The following TBC1D2B variants were observed in gnomAD, a reference collection of about 807,000 sequenced individuals.
TBC1D2B encodes the protein TBC1 domain family, member 2B.
In TBC1D2B, 64 loss-of-function variants were observed where a neutral mutation model predicts 100.8. The ratio of observed to expected loss-of-function variants is 0.64; its 90% CI spans 0.52 to 0.78. The LOEUF is 0.78. TBC1D2B is among the 30% of genes least tolerant of loss of function. TBC1D2B has a pLI of 0.00. For missense variants in TBC1D2B, 1,052 were observed against 1,218.4 expected (o/e 0.86, Z 2.03); for synonymous variants, 480 against 479.7 (o/e 1.00, Z -0.01).
chr15:78,058,344 T>C (rs895220955), intron 1 of TBC1D2B, among the ~76,000 whole-genome samples: 1 of 152,202 alleles, frequency 6.6e-6, no homozygotes, highest in African/African-American at 2.4e-5. Flanking sequence ...GCCAACACCA[T>C]TGCCCTTCTA....
chr15:78,003,988 A>G (rs1013006072), intron 10 of TBC1D2B, among the ~76,000 whole-genome samples: 2 of 152,224 alleles, frequency 1.3e-5, no homozygotes, highest in South Asian at 2.1e-4. Context: ...CTCCGGCGTC[A>G]CATGAACCTG....
chr15:78,034,147 T>C (rs1182458725), intron 3 of TBC1D2B, among the ~76,000 whole-genome samples: 1 of 152,190 alleles, frequency 6.6e-6, no homozygotes, highest in African/African-American at 2.4e-5. Flanking sequence ...CACAGACAAC[T>C]GCATAGAAGG....
At chr15:78,045,166 T>C (rs2073170898) in intron 2 of TBC1D2B, 98 bp from the exon 3 acceptor site, 3 of 1,071,376 alleles carry the variant, frequency 2.8e-6, no homozygotes, top group Non-Finnish European at 3.9e-6. Flanking sequence ...TATAAAAATC[T>C]AAACTATGTA....
chr15:78,006,520 C>A (rs1453560834), intron 10 of TBC1D2B, among the ~76,000 whole-genome samples: 2 of 152,256 alleles, frequency 1.3e-5, no homozygotes, highest in Admixed American at 6.5e-5. Context: ...CGAAAGCCCA[C>A]CCTCTGGGAA....
intron 1 of TBC1D2B, among the ~76,000 whole-genome samples, chr15:78,071,446 T>C (rs143203758): frequency 1.3e-3 from 193 of 152,296 alleles, no homozygotes; most frequent in African/African-American, 4.5e-3. Flanking sequence ...AAACCTAAAA[T>C]AGTATGTGGC....
At chr15:78,023,105 T>C (rs1461421765) in intron 6 of TBC1D2B, among the ~76,000 whole-genome samples, 1 of 152,184 alleles carries the variant, frequency 6.6e-6, no homozygotes, top group African/African-American at 2.4e-5. Flanking sequence ...ATGCATCGCC[T>C]GAAAGGTACT....
At position 78,000,344 on chromosome 15, in the gene TBC1D2B, G is replaced by A. The variant is rs151176850; in HGVS notation, c.2696+1275C>T. On this transcript the variant is annotated intron_variant, in intron 12 of 12. Transcript: ENST00000300584. The stretch of plus-strand genomic sequence containing the variant: ...ACTCACCTCCGCTCCTCCTGGCAGC[G>A]CCTGGGACCCAGTACAGAACTGAGG... 5.4e-4 allele frequency among the ~76,000 whole-genome samples: 83 copies of A among 152,328 alleles called. 1 individual carries two copies. The highest frequency in any genetic ancestry group is 1.1e-3 in the Non-Finnish European group (73 of 68,026).
At chr15:78,021,864 A>C (rs1225933347) in intron 6 of TBC1D2B, among the ~76,000 whole-genome samples, 2 of 152,208 alleles carry the variant, frequency 1.3e-5, no homozygotes, top group African/African-American at 4.8e-5. Context: ...CTGTATCCCG[A>C]TCAGCTCCGT....
intron 3 of TBC1D2B, among the ~76,000 whole-genome samples, chr15:78,031,554 C>CAAAAAAAAAAAAAAAA (rs1225713046): frequency 3.6e-5 from 2 of 54,902 alleles, no homozygotes; most frequent in Admixed American, 6.0e-4. Context: ...ACTCTGTCTC[C>CAAAAAAAAAAAAAAAA]AAAAAAAAAA....
intron 1 of TBC1D2B, among the ~76,000 whole-genome samples, chr15:78,071,037 G>T (rs1340284251): frequency 1.3e-5 from 2 of 152,212 alleles, no homozygotes. Context: ...GGTCAGGCTG[G>T]TCTCAAACTC....
chr15:78,001,366 G>C (rs1005787843), intron 12 of TBC1D2B, among the ~76,000 whole-genome samples: 1 of 152,204 alleles, frequency 6.6e-6, no homozygotes. Flanking sequence ...CTAGACAAAT[G>C]AAACTATTGC....
intron 10 of TBC1D2B, 70 bp downstream of exon 10, chr15:78,008,927 G>T: frequency 1.8e-6 from 2 of 1,129,052 alleles, no homozygotes; most frequent in Non-Finnish European, 2.6e-6. Context: ...CTGACCGCAG[G>T]TTTAATTCAG....
At chr15:78,017,671 A>G (rs1402550882) in intron 7 of TBC1D2B, among the ~76,000 whole-genome samples, 176 bp downstream of exon 7, 2 of 152,366 alleles carry the variant, frequency 1.3e-5, no homozygotes, top group East Asian at 3.9e-4. Context: ...CAGAGATAAT[A>G]AAATGAGACT....
In TBC1D2B at chr15:78,013,490, A is replaced by G. The variant is rs1018272350; in HGVS notation, c.1776-173T>C. 2.6e-5 allele frequency among the ~76,000 whole-genome samples: 4 copies of G among 152,224 alleles called. No homozygotes were observed. In the East Asian group the frequency reaches 5.8e-4, roughly 22 times the overall value. ...CGACTTCTCAGTATATAAAGCTAGG[A>G]GGACTGGCTATCTATATGCAAAAAT... On this transcript the variant is annotated intron_variant, in intron 8 of 12. Coordinates refer to ENST00000300584, the MANE Select transcript of TBC1D2B (RefSeq NM_144572.2).
intron 1 of TBC1D2B, among the ~76,000 whole-genome samples, chr15:78,074,706 C>G (rs1280384198): frequency 6.6e-6 from 1 of 152,140 alleles, no homozygotes; most frequent in Non-Finnish European, 1.5e-5. Context: ...GAGCATACAT[C>G]CTTATGATCT....
chr15:78,024,688 G>A, intron 5 of TBC1D2B, 149 bp from the exon 6 acceptor site: 1 of 739,198 alleles, frequency 1.4e-6, no homozygotes, highest in East Asian at 2.7e-5. Flanking sequence ...ACTTCCTCTT[G>A]AAGGATCTCA....
chr15:78,045,933 C>CT (rs200747847), intron 2 of TBC1D2B, among the ~76,000 whole-genome samples: 1 of 151,316 alleles, frequency 6.6e-6, no homozygotes, highest in Admixed American at 6.6e-5. Flanking sequence ...AAACATTTTT[C>CT]TTTTTTTTTC....
intron 4 of TBC1D2B, among the ~76,000 whole-genome samples, chr15:78,028,050 A>G (rs1043855440): frequency 5.3e-5 from 8 of 152,254 alleles, no homozygotes; most frequent in African/African-American, 1.9e-4. Flanking sequence ...TACTCTCGCA[A>G]TAAAGGTTTC....
chr15:78,003,236 A>G, intron 11 of TBC1D2B, 69 bp downstream of exon 11: 3 of 1,463,374 alleles, frequency 2.1e-6, no homozygotes, highest in Non-Finnish European at 2.8e-6. Context: ...CAGCCGCTCT[A>G]CCGCCACCAA....
Sources: allele counts gnomAD v4.1 joint callset (sites outside exome capture counted in the v4.1 genomes callset), GRCh38; gene constraint gnomAD v4.1.1; transcripts MANE v1.5; gene names NCBI Gene and HGNC (gene_info 2026-07-23, HGNC 2026-07-21).